Variants in KIAA2012 observed in about 807,000 individuals in gnomAD.
KIAA2012 encodes the protein uncharacterized protein KIAA2012.
KIAA2012 carries 125 observed loss-of-function variants against 150.6 expected under a neutral mutation model. The ratio of observed to expected loss-of-function variants is 0.83; its 90% CI spans 0.72 to 0.96. KIAA2012 has a LOEUF of 0.96. Among genes scored for constraint, KIAA2012 ranks in the 40% least tolerant of loss-of-function variants. KIAA2012 has a pLI of 0.00. For synonymous variants in KIAA2012, 462 were observed against 504.7 expected, an observed-to-expected ratio of 0.92 and a Z score of 1.13; for missense variants, 1,219 against 1,354.9, an observed-to-expected ratio of 0.90 and a Z score of 1.57.
intron 3 of KIAA2012, 39 bp downstream of exon 3, chr2:202,090,968 C>A: frequency 6.6e-7 from 1 of 1,511,530 alleles, no homozygotes. Context: ...CCCCAAACTG[C>A]CCCACCTCCC....
At chr2:202,173,146 G>A (rs143221945) in intron 15 of KIAA2012, among the ~76,000 whole-genome samples, 74 of 152,336 alleles carry the variant, frequency 4.9e-4, no homozygotes, top group African/African-American at 1.7e-3. Context: ...GAGTCCCAGA[G>A]AACAGCAGTC....
At chr2:202,170,700 G>A (rs16838917) in intron 15 of KIAA2012, among the ~76,000 whole-genome samples, 9,482 of 152,240 alleles carry the variant, frequency 0.062, 381 homozygotes, top group Middle Eastern at 0.13. Context: ...TCCAGATAGA[G>A]AGAAATCAGG....
At chr2:202,112,888 T>G (rs1463787366) in intron 10 of KIAA2012, among the ~76,000 whole-genome samples, 1 of 152,198 alleles carries the variant, frequency 6.6e-6, no homozygotes, top group Non-Finnish European at 1.5e-5. Flanking sequence ...ATCCCAGTAT[T>G]TCATCTAGAG....
In KIAA2012 at chr2:202,138,447, G is replaced by C. The variant is rs905596466; in HGVS notation, c.1847G>C (p.Arg616Thr). 4 of 1,550,484 alleles carry C rather than the reference G, an allele frequency of 2.6e-6. No individual in the cohort carries two copies. Among genetic ancestry groups the C allele is most frequent in the East Asian group, 2.4e-5 (1 of 40,926 alleles). Residue 616 changes from arginine (R) to threonine (T), a missense_variant, in exon 13 of 24, where the codon AGA becomes ACA. Arg to Thr is a moderately conservative substitution (Grantham distance 71). Coordinates refer to ENST00000498697, the MANE Select transcript of KIAA2012 (RefSeq NM_001277372.4). ...QHFLKANTEPRANLHMNLYET... is the reference protein window; with the variant it reads ...QHFLKANTEPTANLHMNLYET... ...TTCACTACAGCAAACACTGAACCTAGAGCCAATCTTCACATGAACCTTTAT... is the reference window on the plus strand; with the variant it reads ...TTCACTACAGCAAACACTGAACCTACAGCCAATCTTCACATGAACCTTTAT...
intron 12 of KIAA2012, among the ~76,000 whole-genome samples, chr2:202,129,354 G>C (rs1690871137): frequency 6.6e-6 from 1 of 151,610 alleles, no homozygotes; most frequent in African/African-American, 2.4e-5. Context: ...CTACTAGGTG[G>C]GATTACGGGC....
At chr2:202,132,788 G>GTATATA (rs757979483) in intron 12 of KIAA2012, among the ~76,000 whole-genome samples, 12,489 of 65,950 alleles carry the variant, frequency 0.19, 989 homozygotes, top group Non-Finnish European at 0.23. Context: ...ATATATATGC[G>GTATATA]TATATATATA....
rs1691596581 is a variant in KIAA2012 at position 202,159,033 on chromosome 2, C to G, written c.2046+4223C>G. Among the ~76,000 whole-genome samples the G allele has an allele frequency of 2.0e-5, 3 of 152,154 alleles. No homozygotes were observed. The South Asian group carries it at 6.3e-4, about 32-fold the overall frequency. On this transcript the variant is annotated intron_variant, in intron 14 of 23. Coordinates refer to ENST00000498697, the MANE Select transcript of KIAA2012 (RefSeq NM_001277372.4). ...GAATTGGCCTGAACACGGACAACAG[C>G]CAGCCATGCCTGGAGTTAGAGCTGC...
At chr2:202,106,048 T>G in intron 9 of KIAA2012, 138 bp downstream of exon 9, 7 of 1,536,050 alleles carry the variant, frequency 4.6e-6, no homozygotes, top group Non-Finnish European at 6.1e-6. Flanking sequence ...GAAGATGGCC[T>G]TTGTGCAGGC....
At chr2:202,173,623 C>T (rs958641044) in intron 15 of KIAA2012, among the ~76,000 whole-genome samples, 1 of 152,114 alleles carries the variant, frequency 6.6e-6, no homozygotes, top group Admixed American at 6.6e-5. Context: ...TATGATCAAA[C>T]ATACAAAACT....
At chr2:202,136,004 A>G (rs781531932) in intron 12 of KIAA2012, 15 of 333,468 alleles carry the variant, frequency 4.5e-5, no homozygotes, top group African/African-American at 3.3e-4. Context: ...AAAAAAAAAA[A>G]AAATTTTTTT....
rs141298049 is a variant in KIAA2012, at chr2:202,194,353, G to A, written c.3178G>A (p.Glu1060Lys). The A allele has an allele frequency of 2.3e-4, 352 of 1,549,874 alleles. 2 individuals are homozygous for A. In the East Asian group the frequency reaches 5.8e-3, roughly 25 times the overall value. Residue 1060 changes from glutamate to lysine, a missense_variant, in exon 21 of 24, where the codon GAG becomes AAG. Coordinates refer to ENST00000498697, the MANE Select transcript of KIAA2012 (RefSeq NM_001277372.4). ...GAGAAAAAAGCAGCAGGAGGAAGCCGAGAGGGCCGGTGAGGGGGTTCTTGA... is the reference window on the plus strand; with the variant it reads ...GAGAAAAAAGCAGCAGGAGGAAGCCAAGAGGGCCGGTGAGGGGGTTCTTGA... The part of the protein sequence containing the change: ...LQRKKQQEEA[E>K]RAEAEKQRQE...
At position 202,187,311 on chromosome 2, in the gene KIAA2012, C is replaced by CT. The variant is rs1030939070; in HGVS notation, c.2376+223dup. Among the ~76,000 whole-genome samples, 382 of 148,166 alleles carry CT rather than the reference C, an allele frequency of 2.6e-3. 2 individuals carry two copies. The highest frequency in any genetic ancestry group is 7.1e-3 in the East Asian group (36 of 5,084). ...AAGGATGGAACATCATTTCTAATTCCTTTTTTTTTTGGAGACACAGTCTCA... is the reference window on the plus strand; with the variant it reads ...AAGGATGGAACATCATTTCTAATTCCTTTTTTTTTTTGGAGACACAGTCTCA... On this transcript the variant is annotated intron_variant, in intron 17 of 23. Transcript: ENST00000498697.
rs150571126 is a variant in KIAA2012 at position 202,191,226 on chromosome 2, G to A, written c.2811+733G>A. On this transcript the variant is annotated intron_variant, in intron 19 of 23. Coordinates refer to ENST00000498697, the MANE Select transcript of KIAA2012 (RefSeq NM_001277372.4). ...TGGGAGGCAGAGGTTGCAGTGAGCC[G>A]AGATCACACCACTGCACTCCAACCT... Among the ~76,000 whole-genome samples, 51 of 151,266 alleles carry A rather than the reference G, an allele frequency of 3.4e-4. 3 individuals carry two copies. The East Asian group carries it at 9.2e-3, about 27-fold the overall frequency.
In KIAA2012 at chr2:202,194,327, A is replaced by G. The variant is rs1464582390; in HGVS notation, c.3152A>G (p.Gln1051Arg). ...EEFRRKLREL[Q>R]RKKQQEEAER... Reference sequence around the variant, plus strand: ...TTTCGGAGGAAACTGCGAGAACTACAGAGAAAAAAGCAGCAGGAGGAAGCC... The same window carrying G: ...TTTCGGAGGAAACTGCGAGAACTACGGAGAAAAAAGCAGCAGGAGGAAGCC... The change falls in exon 21 of 24, where the codon CAG (glutamine) becomes CGG (arginine). Residue 1051 changes from glutamine (Q) to arginine (R), a missense_variant. Gln to Arg is a conservative substitution (Grantham distance 43). Transcript: ENST00000498697. 3.2e-6 allele frequency: 5 copies of G among 1,550,068 alleles called. No homozygotes were observed. The South Asian group carries it at 3.6e-5, about 11-fold the overall frequency.
chr2:202,196,770 G>T (rs759970198), intron 21 of KIAA2012, 30 bp from the exon 22 acceptor site: 1 of 1,546,394 alleles, frequency 6.5e-7, no homozygotes, highest in Non-Finnish European at 8.7e-7. Flanking sequence ...AATGATCCCT[G>T]CTGAGCCCAC....
intron 16 of KIAA2012, among the ~76,000 whole-genome samples, chr2:202,185,276 T>C (rs941246865): frequency 6.6e-6 from 1 of 152,196 alleles, no homozygotes; most frequent in Non-Finnish European, 1.5e-5. Flanking sequence ...GTGCTTCCCA[T>C]GTACTGTACT....
intron 15 of KIAA2012, among the ~76,000 whole-genome samples, chr2:202,168,374 G>A (rs746946843): frequency 8.4e-5 from 12 of 143,662 alleles, no homozygotes; most frequent in Non-Finnish European, 7.5e-5. Context: ...AGCCGAGATT[G>A]TGCCACTGCA....
intron 15 of KIAA2012, among the ~76,000 whole-genome samples, chr2:202,182,325 G>C (rs1692138426): frequency 6.6e-6 from 1 of 151,574 alleles, no homozygotes; most frequent in Non-Finnish European, 1.5e-5. Flanking sequence ...TGGTCAGGCT[G>C]GTCTCGAACT....
At position 202,194,295 on chromosome 2, in the gene KIAA2012, A is replaced by G; in HGVS notation, c.3120A>G (p.Gln1040=). 6.4e-7 allele frequency: 1 copy of G among 1,550,632 alleles called. No homozygotes were observed. Residue 1040 remains glutamine, a synonymous_variant, in exon 21 of 24, where the codon CAA becomes CAG. Coordinates refer to ENST00000498697, the MANE Select transcript of KIAA2012 (RefSeq NM_001277372.4). ...KAAQERARQQ[Q]EEFRRKLREL... ...CCCAGGAGAGAGCCCGGCAACAGCA[A>G]GAGGAGTTTCGGAGGAAACTGCGAG...
Sources: gnomAD v4.1 joint callset for allele counts (sites outside exome capture counted in the v4.1 genomes callset) on GRCh38, gnomAD v4.1.1 for gene constraint, MANE v1.5 for transcripts, NCBI Gene and HGNC (gene_info 2026-07-23, HGNC 2026-07-21) for gene names.